Variants in COLEC12 observed in about 807,000 individuals in gnomAD.
COLEC12 encodes the protein collectin subfamily member 12.
Under a neutral mutation model 71.1 loss-of-function variants are expected in COLEC12, and 33 were observed. The ratio of observed to expected loss-of-function variants is 0.46; its 90% CI spans 0.35 to 0.62. The LOEUF (loss-of-function observed/expected upper bound fraction) is 0.62, where lower values mean the gene tolerates loss of function less well. Among genes scored for constraint, COLEC12 ranks in the 20% least tolerant of loss-of-function variants. The probability of loss-of-function intolerance (pLI) is 0.00; values close to 1 mark genes in which losing one functional copy is unlikely to be tolerated. For synonymous variants in COLEC12, 350 were observed against 353.0 expected (o/e 0.99, Z 0.10); for missense variants, 765 against 916.1 (o/e 0.84, Z 2.13).
At chr18:416,860 G>C (rs1915995453) in intron 2 of COLEC12, among the ~76,000 whole-genome samples, 1 of 151,222 alleles carries the variant, frequency 6.6e-6, no homozygotes, top group African/African-American at 2.4e-5. Flanking sequence ...TAACAGGTGG[G>C]GGCGGTGGGG....
rs1406953083 is a variant in COLEC12 at position 408,037 on chromosome 18, T to A, written c.59-50515A>T. Among the ~76,000 whole-genome samples the A allele has an allele frequency of 6.6e-6, 1 of 152,216 alleles. No individual in the cohort carries two copies. The highest frequency in any genetic ancestry group is 2.4e-5 in the African/African-American group (1 of 41,446). On this transcript the variant is annotated intron_variant, in intron 2 of 9. Coordinates refer to ENST00000400256, the MANE Select transcript of COLEC12 (RefSeq NM_130386.3). The surrounding 1 kb of genome is among the most constrained non-coding windows in gnomAD (Gnocchi z 4.3). ...CTGGATGAATGATGAATATGACTCATGCAGAGAAGGAATCCAGTTGGCACT... is the reference window on the plus strand; with the variant it reads ...CTGGATGAATGATGAATATGACTCAAGCAGAGAAGGAATCCAGTTGGCACT...
rs573020477 is a variant in COLEC12, at chr18:415,392, C to T, written c.59-57870G>A. ...TCTCCTAGGCCTAGGGATGAGGTAG[C>T]GCCTAAATCGTTACAAAGCTAACTC... On this transcript the variant is annotated intron_variant, in intron 2 of 9. Coordinates refer to ENST00000400256, the MANE Select transcript of COLEC12 (RefSeq NM_130386.3). 4.7e-4 allele frequency among the ~76,000 whole-genome samples: 71 copies of T among 152,180 alleles called. 1 individual carries two copies. The highest frequency in any genetic ancestry group is 1.8e-3 in the Admixed American group (27 of 15,298).
intron 3 of COLEC12, among the ~76,000 whole-genome samples, chr18:355,069 A>C (rs1327647139): frequency 6.6e-6 from 1 of 151,926 alleles, no homozygotes; most frequent in Non-Finnish European, 1.5e-5. Flanking sequence ...CCATCCATCC[A>C]TCCATCCATC....
At chr18:339,346 C>T (rs1356555263) in intron 5 of COLEC12, among the ~76,000 whole-genome samples, 2 of 152,230 alleles carry the variant, frequency 1.3e-5, no homozygotes, top group Admixed American at 1.3e-4. Context: ...ATTGAATCTC[C>T]CCACCCAGTC....
chr18:346,422 C>A lies in COLEC12; in HGVS notation c.1200G>T (p.Arg400Ser). ...TCGACCTCATCAAATCTTGTTGCAT[C>A]CTGAGAGAAACAGAATCCAAACGGA... ...ANIRLDSVSLRMQQDLMRSRL... is the reference protein window; with the variant it reads ...ANIRLDSVSLSMQQDLMRSRL... The change falls in exon 5 of 10, where the codon AGG becomes AGT. Residue 400 changes from arginine (R) to serine (S), a missense_variant. Arg to Ser is a moderately radical substitution (Grantham distance 110). Transcript: ENST00000400256. This position sits in a 1 kb window ranked among gnomAD's most constrained non-coding sequence, Gnocchi z 4.0. 1 of 1,614,116 alleles carries A rather than the reference C, an allele frequency of 6.2e-7. No homozygotes were observed. Among genetic ancestry groups the A allele is most frequent in the Non-Finnish European group, 8.5e-7 (1 of 1,180,018 alleles).
chr18:344,020 CTAAA>C (rs1914317001), intron 5 of COLEC12, among the ~76,000 whole-genome samples: 1 of 152,142 alleles, frequency 6.6e-6, no homozygotes, highest in African/African-American at 2.4e-5. Flanking sequence ...TGTCTATAAA[CTAAA>C]TAACTGAAGA....
At chr18:375,989 T>C (rs966239113) in intron 2 of COLEC12, among the ~76,000 whole-genome samples, 2 of 152,224 alleles carry the variant, frequency 1.3e-5, no homozygotes, top group Non-Finnish European at 2.9e-5. Flanking sequence ...ATATCCATCT[T>C]ACAGATTCCA....
At position 347,091 on chromosome 18, in the gene COLEC12, A is replaced by G; in HGVS notation, c.531T>C (p.Tyr177=). 1 of 1,614,198 alleles carries G rather than the reference A, an allele frequency of 6.2e-7. No homozygotes were observed. Among genetic ancestry groups the G allele is most frequent in the Non-Finnish European group, 8.5e-7 (1 of 1,180,028 alleles). The change falls in exon 5 of 10, where the codon TAT becomes TAC. Residue 177 remains tyrosine, a synonymous_variant. Coordinates refer to ENST00000400256, the MANE Select transcript of COLEC12 (RefSeq NM_130386.3). The part of the protein sequence containing the change: ...VNKTLQAYNG[Y]VTNLQQDTSV... ...TGGTATCTTGCTGCAGATTCGTGAC[A>G]TAGCCATTATACGCCTGGAGGGTTT...
At chr18:375,643 G>A (rs778682121) in intron 2 of COLEC12, among the ~76,000 whole-genome samples, 4 of 152,288 alleles carry the variant, frequency 2.6e-5, no homozygotes, top group Middle Eastern at 3.4e-3. Flanking sequence ...GACCACAGGC[G>A]TGCACGACCA....
At chr18:322,016 G>T (rs778508361) in intron 8 of COLEC12, among the ~76,000 whole-genome samples, 1 of 152,222 alleles carries the variant, frequency 6.6e-6, no homozygotes, top group Non-Finnish European at 1.5e-5. Context: ...CTCCCTGCGC[G>T]CTTGTGATCT....
intron 2 of COLEC12, among the ~76,000 whole-genome samples, chr18:380,304 C>T (rs1273761092): frequency 6.6e-6 from 1 of 152,126 alleles, no homozygotes; most frequent in African/African-American, 2.4e-5. Context: ...TTCCCTCTGA[C>T]TGGTACACTT....
chr18:357,781 G>A (rs1914660670), intron 2 of COLEC12, among the ~76,000 whole-genome samples: 1 of 152,216 alleles, frequency 6.6e-6, no homozygotes, highest in Admixed American at 6.5e-5. Flanking sequence ...TCATGCATCA[G>A]TTAATGGGGA....
intron 2 of COLEC12, among the ~76,000 whole-genome samples, chr18:395,722 G>A (rs1464180477): frequency 1.3e-5 from 2 of 152,122 alleles, no homozygotes; most frequent in Non-Finnish European, 1.5e-5. Flanking sequence ...AGAAAGAAGT[G>A]GGGAAAATGT....
chr18:360,333 C>T (rs150635960), intron 2 of COLEC12, among the ~76,000 whole-genome samples: 49 of 152,192 alleles, frequency 3.2e-4, no homozygotes, highest in African/African-American at 1.1e-3. Flanking sequence ...CAGGTGCCCA[C>T]GACCACACAC....
intron 2 of COLEC12, among the ~76,000 whole-genome samples, chr18:476,069 G>C (rs1567919725): frequency 6.6e-6 from 1 of 152,218 alleles, no homozygotes; most frequent in Non-Finnish European, 1.5e-5. Flanking sequence ...GACCTGTGAA[G>C]TTGTGGATAA....
chr18:392,773 C>T (rs1237770108), intron 2 of COLEC12, among the ~76,000 whole-genome samples: 2 of 152,252 alleles, frequency 1.3e-5, no homozygotes, highest in East Asian at 3.8e-4. Flanking sequence ...CTTTACTTAA[C>T]AACCTAGCCC....
chr18:388,236 T>C (rs984931856), intron 2 of COLEC12, among the ~76,000 whole-genome samples: 5 of 152,226 alleles, frequency 3.3e-5, no homozygotes, highest in African/African-American at 1.2e-4. Flanking sequence ...AGGCTGTTAG[T>C]AGCCCTCAAC....
chr18:479,546 T>A (rs1206192464), intron 2 of COLEC12, among the ~76,000 whole-genome samples: 2 of 146,332 alleles, frequency 1.4e-5, no homozygotes, highest in Non-Finnish European at 3.0e-5. Context: ...TCTCTCTCTC[T>A]CTCTCACACA....
chr18:327,677 T>C lies in COLEC12; in HGVS notation c.2063+3991A>G, dbSNP rs1054188691. On this transcript the variant is annotated intron_variant, in intron 8 of 9. Transcript: ENST00000400256. This position sits in a 1 kb window ranked among gnomAD's most constrained non-coding sequence, Gnocchi z 4.0. Reference sequence around the variant, plus strand: ...GAGACGCAGAGGAGAGAGCCTTTTATCCCTCGTCTATTTGCTCTTTAACAG... The same window carrying C: ...GAGACGCAGAGGAGAGAGCCTTTTACCCCTCGTCTATTTGCTCTTTAACAG... 1.1e-4 allele frequency among the ~76,000 whole-genome samples: 16 copies of C among 152,234 alleles called. No individual in the cohort carries two copies. The highest frequency in any genetic ancestry group is 3.4e-4 in the African/African-American group (14 of 41,450).
Sources: gnomAD v4.1 joint callset for allele counts (sites outside exome capture counted in the v4.1 genomes callset) on GRCh38, gnomAD v4.1.1 for gene constraint, Gnocchi (gnomAD v3.1) non-coding constraint, MANE v1.5 for transcripts, NCBI Gene and HGNC (gene_info 2026-07-23, HGNC 2026-07-21) for gene names.